PLCB1: variants seen among roughly 807,000 people sequenced by gnomAD.
PLCB1 encodes the protein 1-phosphatidylinositol 4,5-bisphosphate phosphodiesterase beta-1.
PLCB1 carries 46 observed loss-of-function variants against 161.8 expected under a neutral mutation model. That is an observed-to-expected ratio of 0.28 (90% CI 0.22 to 0.36). The LOEUF (loss-of-function observed/expected upper bound fraction) is 0.36, where lower values mean the gene tolerates loss of function less well. Ranked by LOEUF, PLCB1 falls within the 10% of genes least tolerant of loss-of-function variation. PLCB1 has a pLI of 1.00. For missense variants in PLCB1, 1,016 were observed against 1,472.5 expected, an observed-to-expected ratio of 0.69 and a Z score of 5.07; for synonymous variants, 517 against 503.7, an observed-to-expected ratio of 1.03 and a Z score of -0.35.
chr20:8,765,441 TG>T, intron 26 of PLCB1, 83 bp downstream of exon 26: 1 of 1,047,948 alleles, frequency 9.5e-7, no homozygotes, highest in Non-Finnish European at 1.4e-6. Context: ...ATCATATTTT[TG>T]GACCTGTACC....
intron 3 of PLCB1, among the ~76,000 whole-genome samples, chr20:8,389,995 C>A (rs925657200): frequency 8.5e-5 from 13 of 152,106 alleles, no homozygotes; most frequent in African/African-American, 3.1e-4. Context: ...CACAGAAAAG[C>A]ATTGAGAATT....
At chr20:8,395,071 G>C (rs2122447828) in intron 3 of PLCB1, among the ~76,000 whole-genome samples, 1 of 152,042 alleles carries the variant, frequency 6.6e-6, no homozygotes, top group East Asian at 1.9e-4. Flanking sequence ...TAGTCATTTT[G>C]TATCTGTGCA....
chr20:8,568,282 A>C, intron 3 of PLCB1, among the ~76,000 whole-genome samples: 1 of 152,192 alleles, frequency 6.6e-6, no homozygotes, highest in East Asian at 1.9e-4. Context: ...TTCTAGCCAA[A>C]GTTCTATTTG....
At chr20:8,707,919 A>C (rs1243971993) in intron 11 of PLCB1, among the ~76,000 whole-genome samples, 1 of 152,232 alleles carries the variant, frequency 6.6e-6, no homozygotes, top group African/African-American at 2.4e-5. Context: ...TGGTCGGCAC[A>C]AACAACCATA....
intron 31 of PLCB1, among the ~76,000 whole-genome samples, chr20:8,811,509 G>A (rs1984819310): frequency 6.6e-6 from 1 of 152,146 alleles, no homozygotes; most frequent in Non-Finnish European, 1.5e-5. Context: ...CCATTGCCAA[G>A]GAAGAACAAG....
At chr20:8,378,616 A>C (rs1987167098) in intron 3 of PLCB1, among the ~76,000 whole-genome samples, 1 of 152,218 alleles carries the variant, frequency 6.6e-6, no homozygotes, top group Non-Finnish European at 1.5e-5. Context: ...TGATTGCTGA[A>C]GATTAGGGTA....
At chr20:8,492,136 C>T (rs1982970744) in intron 3 of PLCB1, among the ~76,000 whole-genome samples, 1 of 151,968 alleles carries the variant, frequency 6.6e-6, no homozygotes, top group Non-Finnish European at 1.5e-5. Flanking sequence ...CATTAACTAG[C>T]AAACCTACTC....
intron 3 of PLCB1, among the ~76,000 whole-genome samples, chr20:8,389,232 C>G (rs559807982): frequency 5.3e-5 from 8 of 152,322 alleles, no homozygotes; most frequent in African/African-American, 1.9e-4. Context: ...TTAGGCAATG[C>G]CTACATTTTT....
chr20:8,604,252 C>CAAAAAA (rs34186286), intron 3 of PLCB1, among the ~76,000 whole-genome samples: 1 of 51,394 alleles, frequency 1.9e-5, no homozygotes, highest in Non-Finnish European at 3.4e-5. Context: ...GGCCCTGTCT[C>CAAAAAA]AAAAAAAAAA....
At chr20:8,275,250 A>AGT (rs3031931) in intron 2 of PLCB1, among the ~76,000 whole-genome samples, 9,849 of 145,104 alleles carry the variant, frequency 0.068, 487 homozygotes, top group African/African-American at 0.14. Context: ...CATCAGCGTG[A>AGT]GTGTGTGTGT....
intron 11 of PLCB1, among the ~76,000 whole-genome samples, chr20:8,704,081 C>A (rs531817378): frequency 2.8e-4 from 43 of 152,278 alleles, no homozygotes; most frequent in African/African-American, 1.0e-3. Context: ...TGGCCAGGCG[C>A]AGTGGCTCAT....
At chr20:8,774,094 C>T (rs527403714) in intron 26 of PLCB1, among the ~76,000 whole-genome samples, 1 of 151,384 alleles carries the variant, frequency 6.6e-6, no homozygotes, top group South Asian at 2.1e-4. Context: ...AAACAAGGCA[C>T]ATCTTTAGCT....
At chr20:8,855,633 T>C (rs1349461035) in intron 31 of PLCB1, among the ~76,000 whole-genome samples, 1 of 152,216 alleles carries the variant, frequency 6.6e-6, no homozygotes, top group Non-Finnish European at 1.5e-5. Flanking sequence ...AACATTTTGT[T>C]CTAAGAAGGG....
At chr20:8,593,922 T>C (rs1467226650) in intron 3 of PLCB1, among the ~76,000 whole-genome samples, 3 of 152,152 alleles carry the variant, frequency 2.0e-5, no homozygotes, top group African/African-American at 7.2e-5. Context: ...TCTTGCTCTG[T>C]TACCCAGGCT....
intron 2 of PLCB1, among the ~76,000 whole-genome samples, chr20:8,153,858 T>G (rs951136540): frequency 6.6e-6 from 1 of 152,180 alleles, no homozygotes; most frequent in African/African-American, 2.4e-5. Context: ...AACACACGGT[T>G]TGCATGAAGA....
intron 31 of PLCB1, among the ~76,000 whole-genome samples, chr20:8,790,605 C>T (rs781698318): frequency 2.6e-5 from 4 of 152,172 alleles, no homozygotes; most frequent in African/African-American, 4.8e-5. Flanking sequence ...ACTAAGTAAA[C>T]GTCAGTTCTA....
intron 4 of PLCB1, among the ~76,000 whole-genome samples, chr20:8,630,185 C>A (rs1988542318): frequency 6.6e-6 from 1 of 150,930 alleles, no homozygotes; most frequent in South Asian, 2.1e-4. Context: ...CTCCTGGGTT[C>A]AAGCCATTCT....
intron 2 of PLCB1, among the ~76,000 whole-genome samples, chr20:8,279,295 TAAA>T (rs1203861473): frequency 6.6e-6 from 1 of 152,072 alleles, no homozygotes; most frequent in African/African-American, 2.4e-5. Flanking sequence ...TATTTAGCCT[TAAA>T]AAAGCCATGA....
At chr20:8,246,770 T>C (rs1980899491) in intron 2 of PLCB1, among the ~76,000 whole-genome samples, 1 of 151,886 alleles carries the variant, frequency 6.6e-6, no homozygotes, top group African/African-American at 2.4e-5. Context: ...TTGTACATAG[T>C]TTTTATCTTT....
Sources: allele counts gnomAD v4.1 joint callset (sites outside exome capture counted in the v4.1 genomes callset), GRCh38; gene constraint gnomAD v4.1.1; transcripts MANE v1.5; gene names NCBI Gene and HGNC (gene_info 2026-07-23, HGNC 2026-07-21).